METTL15: variants seen among roughly 807,000 people sequenced by gnomAD.
METTL15 encodes 12S rRNA N(4)-cytidine methyltransferase METTL15.
Under a neutral mutation model 38.3 loss-of-function variants are expected in METTL15, and 34 were observed. The ratio of observed to expected loss-of-function variants is 0.89; its 90% CI spans 0.68 to 1.18. The LOEUF (loss-of-function observed/expected upper bound fraction) is 1.18. METTL15 is among the 50% of genes most tolerant of loss of function. The pLI, the probability that METTL15 is intolerant of heterozygous loss-of-function variation, is 0.00. For missense variants in METTL15, 438 were observed against 498.4 expected, an observed-to-expected ratio of 0.88 and a Z score of 1.15; for synonymous variants, 162 against 170.9, an observed-to-expected ratio of 0.95 and a Z score of 0.41.
chr11:28,394,805 T>G (rs1242728215), intron 5 of METTL15, among the ~76,000 whole-genome samples: 1 of 152,106 alleles, frequency 6.6e-6, no homozygotes, highest in Non-Finnish European at 1.5e-5. Context: ...TGTTAGTTTG[T>G]GCTGATCTCT....
chr11:28,512,694 G>C (rs75318886), intron 6 of METTL15, among the ~76,000 whole-genome samples: 1 of 152,056 alleles, frequency 6.6e-6, no homozygotes, highest in Non-Finnish European at 1.5e-5. Flanking sequence ...GCACAGCCCC[G>C]GTTCCCTCTC....
At chr11:28,483,153 C>G (rs1851410705) in intron 6 of METTL15, among the ~76,000 whole-genome samples, 1 of 152,118 alleles carries the variant, frequency 6.6e-6, no homozygotes, top group Non-Finnish European at 1.5e-5. Context: ...CATGCTGCAG[C>G]AATGCATTGG....
rs1849785347 is a variant in METTL15, at chr11:28,330,592, G to A, written c.975G>A (p.Glu325=). ...RLVALSFHSL[E]DRIVKRFLLG... is the part of the protein sequence containing the mutation. The stretch of plus-strand genomic sequence containing the variant: ...TTGCCCTCTCCTTCCATTCACTAGA[G>A]GATCGCATCGTCAAAAGATTTTTGC... The change falls in exon 7 of 7, where the codon GAG becomes GAA. Residue 325 remains glutamate, a synonymous_variant. Coordinates refer to ENST00000407364, the MANE Select transcript of METTL15 (RefSeq NM_001113528.2). 1.3e-6 allele frequency: 2 copies of A among 1,551,316 alleles called. No individual in the cohort carries two copies. The highest frequency in any genetic ancestry group is 1.4e-5 in the African/African-American group (1 of 72,990).
chr11:28,214,853 T>G (rs2133848294), intron 4 of METTL15, among the ~76,000 whole-genome samples: 1 of 152,282 alleles, frequency 6.6e-6, no homozygotes, highest in Non-Finnish European at 1.5e-5. Context: ...GCTAAAAATT[T>G]AAAACTCTAT....
chr11:28,485,958 C>G (rs957081678), intron 6 of METTL15, among the ~76,000 whole-genome samples: 2 of 152,124 alleles, frequency 1.3e-5, no homozygotes, highest in Non-Finnish European at 2.9e-5. Context: ...GCCACTAAAC[C>G]TACCAATTAG....
intron 4 of METTL15, among the ~76,000 whole-genome samples, chr11:28,281,337 T>C (rs1424750491): frequency 6.6e-6 from 1 of 152,184 alleles, no homozygotes; most frequent in Non-Finnish European, 1.5e-5. Context: ...GGATGGGTCC[T>C]GAACTCTAAT....
intron 3 of METTL15, among the ~76,000 whole-genome samples, chr11:28,143,437 C>T (rs1022733321): frequency 6.6e-6 from 1 of 152,180 alleles, no homozygotes; most frequent in Admixed American, 6.5e-5. Flanking sequence ...TTGTTTTCAT[C>T]AAATGTAGCT....
chr11:28,449,762 A>T (rs1462721430), intron 6 of METTL15, among the ~76,000 whole-genome samples: 1 of 152,160 alleles, frequency 6.6e-6, no homozygotes, highest in East Asian at 1.9e-4. Context: ...GCTGCTGTGT[A>T]AGAAGTCTGA....
intron 6 of METTL15, among the ~76,000 whole-genome samples, chr11:28,479,679 T>A (rs957255101): frequency 6.6e-6 from 1 of 152,186 alleles, no homozygotes; most frequent in Non-Finnish European, 1.5e-5. Flanking sequence ...CTTTCTTATT[T>A]GTAACTAGTC....
intron 4 of METTL15, among the ~76,000 whole-genome samples, chr11:28,269,517 T>C (rs1221217625): frequency 2.6e-5 from 4 of 152,128 alleles, no homozygotes; most frequent in African/African-American, 9.7e-5. Flanking sequence ...TGATTATTAT[T>C]TTATGGAAAC....
intron 3 of METTL15, among the ~76,000 whole-genome samples, chr11:28,116,668 G>A (rs1851975375): frequency 6.6e-6 from 1 of 152,212 alleles, no homozygotes; most frequent in Admixed American, 6.5e-5. Context: ...TCAGTGATAC[G>A]ATGTGGGTTC....
intron 4 of METTL15, among the ~76,000 whole-genome samples, chr11:28,246,378 CAT>C (rs1854513502): frequency 1.3e-5 from 2 of 152,118 alleles, no homozygotes; most frequent in African/African-American, 4.8e-5. Flanking sequence ...ATTGTTAAGA[CAT>C]ATGTACTTAT....
At chr11:28,196,066 A>G (rs1851897040) in intron 3 of METTL15, among the ~76,000 whole-genome samples, 1 of 151,922 alleles carries the variant, frequency 6.6e-6, no homozygotes, top group African/African-American at 2.4e-5. Context: ...CTGTGTTTCT[A>G]CTTTTACACC....
chr11:28,375,754 A>G (rs1452416615), intron 5 of METTL15, among the ~76,000 whole-genome samples: 1 of 151,354 alleles, frequency 6.6e-6, no homozygotes, highest in Admixed American at 6.6e-5. Flanking sequence ...TTTAATTGTG[A>G]TGTTAGGGTG....
chr11:28,194,314 A>T (rs375351088), intron 3 of METTL15, among the ~76,000 whole-genome samples: 2 of 151,106 alleles, frequency 1.3e-5, no homozygotes, highest in Admixed American at 6.6e-5. Flanking sequence ...TTCTCCTGCC[A>T]CAGCCTCCTG....
chr11:28,184,954 T>C (rs1331362968), intron 3 of METTL15, among the ~76,000 whole-genome samples: 1 of 151,446 alleles, frequency 6.6e-6, no homozygotes, highest in African/African-American at 2.4e-5. Flanking sequence ...GTAAAGGAAA[T>C]ATATTGAAAG....
chr11:28,204,765 G>A (rs1852253975), intron 3 of METTL15, among the ~76,000 whole-genome samples: 2 of 151,778 alleles, frequency 1.3e-5, no homozygotes, highest in Admixed American at 1.3e-4. Flanking sequence ...ATAAATCTCT[G>A]TAAGATAAAT....
chr11:28,472,180 GA>G (rs902103946), intron 6 of METTL15, among the ~76,000 whole-genome samples: 1 of 152,132 alleles, frequency 6.6e-6, no homozygotes, highest in African/African-American at 2.4e-5. Context: ...GTGTTAACTA[GA>G]ACTTGGTAAT....
chr11:28,326,287 GT>G (rs529338315), intron 6 of METTL15, among the ~76,000 whole-genome samples: 3,012 of 146,262 alleles, frequency 0.021, 71 homozygotes, highest in South Asian at 0.12. Context: ...GAATCTGTTA[GT>G]TTTTTTTTTT....
Sources: gnomAD v4.1 joint callset for allele counts (sites outside exome capture counted in the v4.1 genomes callset) on GRCh38, gnomAD v4.1.1 for gene constraint, MANE v1.5 for transcripts, NCBI Gene and HGNC (gene_info 2026-07-23, HGNC 2026-07-21) for gene names.